Variants in DAPK2 observed in about 807,000 individuals in gnomAD.
DAPK2 encodes death associated protein kinase 2.
In DAPK2, 35 loss-of-function variants were observed where a neutral mutation model predicts 44.1. The ratio of observed to expected loss-of-function variants is 0.79; its 90% CI spans 0.61 to 1.05. The LOEUF (loss-of-function observed/expected upper bound fraction) is 1.05. Ranked by LOEUF, DAPK2 falls within the 50% of genes least tolerant of loss-of-function variation. The probability of loss-of-function intolerance (pLI) is 0.00; values close to 1 mark genes in which losing one functional copy is unlikely to be tolerated. For missense variants in DAPK2, 453 were observed against 483.2 expected (o/e 0.94, Z 0.59); for synonymous variants, 174 against 182.6 (o/e 0.95, Z 0.38).
At chr15:63,948,218 C>T (rs369685122) in intron 3 of DAPK2, among the ~76,000 whole-genome samples, 19 of 123,632 alleles carry the variant, frequency 1.5e-4, no homozygotes, top group South Asian at 8.3e-4. Context: ...TTGCAGTGAG[C>T]GGAGATCACA....
At chr15:63,929,384 T>G in intron 6 of DAPK2, 167 bp downstream of exon 7, 1 of 796,590 alleles carries the variant, frequency 1.3e-6, no homozygotes, top group Non-Finnish European at 2.0e-6. Flanking sequence ...GTCAGATGGA[T>G]GAAATGGACC....
chr15:64,031,015 C>CAT (rs1175395452), intron 1 of DAPK2, among the ~76,000 whole-genome samples: 2 of 151,052 alleles, frequency 1.3e-5, no homozygotes, highest in African/African-American at 2.4e-5. Flanking sequence ...CACACACACA[C>CAT]GGAATTTGCA....
Position 63,983,584 on chromosome 15 carries a change from G to A in DAPK2, c.263C>T (p.Thr88Met), listed in dbSNP as rs1244714096. The stretch of plus-strand genomic sequence containing the variant: ...GCGGTTCTCATAGACGTCGTGCAGC[G>A]TGATGACATTGTGGTGCAGCACCTG... The change falls in exon 2 of 11, where the codon ACG becomes ATG. Residue 88 changes from threonine to methionine, a missense_variant. Coordinates refer to ENST00000261891, the Ensembl canonical transcript of DAPK2. The A allele has an allele frequency of 1.2e-5, 19 of 1,614,066 alleles. 1 individual carries two copies. The highest frequency in any genetic ancestry group is 8.9e-5 in the East Asian group (4 of 44,894).
rs2077260599 is a variant in DAPK2 at position 63,939,807 on chromosome 15, C to A, written c.454-446G>T. Reference sequence around the variant, plus strand: ...CCTCTGTTTATACTTGGCTTACTGACCTTGGTCTTCCTGACCGCCTCTTTC... The same window carrying A: ...CCTCTGTTTATACTTGGCTTACTGAACTTGGTCTTCCTGACCGCCTCTTTC... On this transcript the variant is annotated intron_variant, in intron 3 of 10. Coordinates refer to ENST00000261891, the Ensembl canonical transcript of DAPK2. The surrounding 1 kb of genome is among the most constrained non-coding windows in gnomAD (Gnocchi z 4.3). Among the ~76,000 whole-genome samples the A allele has an allele frequency of 6.6e-6, 1 of 152,216 alleles. No homozygotes were observed. The highest frequency in any genetic ancestry group is 6.5e-5 in the Admixed American group (1 of 15,286).
intron 3 of DAPK2, among the ~76,000 whole-genome samples, chr15:63,950,392 AT>A (rs1282328997): frequency 1.5e-3 from 218 of 144,392 alleles, no homozygotes; most frequent in African/African-American, 2.2e-3. Context: ...ATTAAAAAAC[AT>A]TTTTTTTTTT....
chr15:63,971,359 C>T (rs2078206636), intron 3 of DAPK2, 64 bp downstream of exon 4: 15 of 1,584,538 alleles, frequency 9.5e-6, no homozygotes, highest in Non-Finnish European at 1.3e-5. Context: ...CTGGGAAAGA[C>T]ACCAGGAGGG....
At chr15:64,007,231 C>T (rs1034153543) in intron 1 of DAPK2, among the ~76,000 whole-genome samples, 2 of 152,106 alleles carry the variant, frequency 1.3e-5, no homozygotes, top group Admixed American at 6.5e-5. Flanking sequence ...TCTCGAGTAG[C>T]TGGGATTACA....
At chr15:64,018,632 A>C (rs78221970) in intron 1 of DAPK2, among the ~76,000 whole-genome samples, 17,372 of 152,202 alleles carry the variant, frequency 0.11, 1,331 homozygotes, top group South Asian at 0.35. Flanking sequence ...TCTAGGTTGC[A>C]CCAGGCTGAG....
At chr15:64,002,862 T>C (rs1197995338) in intron 1 of DAPK2, among the ~76,000 whole-genome samples, 1 of 150,064 alleles carries the variant, frequency 6.7e-6, no homozygotes, top group Non-Finnish European at 1.5e-5. Flanking sequence ...GCCTAATTAA[T>C]GAAACCAGCA....
chr15:63,949,345 C>A (rs896603382), intron 3 of DAPK2, among the ~76,000 whole-genome samples: 1 of 152,214 alleles, frequency 6.6e-6, no homozygotes, highest in East Asian at 1.9e-4. Context: ...AATAAAAATT[C>A]ACTTTCAAGG....
rs1272535155 is a variant in DAPK2, at chr15:64,046,312, C to T, written c.-21G>A. Reference sequence around the variant, plus strand: ...GTGCTACTCACGGCGGGAGGCTGAGCTGCCGCGGTCGCGGCCGCGGCAGGC... The same window carrying T: ...GTGCTACTCACGGCGGGAGGCTGAGTTGCCGCGGTCGCGGCCGCGGCAGGC... On this transcript the variant is annotated 5_prime_UTR_variant, in exon 1 of 12. Coordinates refer to the DAPK2 transcript ENST00000457488. This position sits in a 1 kb window ranked among gnomAD's most constrained non-coding sequence, Gnocchi z 5.3. 2 of 980,384 alleles carry T rather than the reference C, an allele frequency of 2.0e-6. No homozygotes were observed. Among genetic ancestry groups the T allele is most frequent in the African/African-American group, 1.8e-5 (1 of 55,434 alleles). 60.7% of individuals were successfully genotyped at this position (980,384 alleles called of 1,614,324 possible).
chr15:63,951,001 G>A (rs1276093931), intron 3 of DAPK2, among the ~76,000 whole-genome samples: 2 of 152,124 alleles, frequency 1.3e-5, no homozygotes, highest in Non-Finnish European at 2.9e-5. Context: ...GGATTTTTTG[G>A]AATATCTTAC....
At chr15:64,039,115 CTG>C (rs1220008806) in intron 1 of DAPK2, among the ~76,000 whole-genome samples, 1 of 152,222 alleles carries the variant, frequency 6.6e-6, no homozygotes, top group East Asian at 1.9e-4. Flanking sequence ...CCAAACTGTG[CTG>C]TGACAACTTT....
At chr15:63,942,101 G>A (rs1428412437) in intron 3 of DAPK2, 1 of 568,026 alleles carries the variant, frequency 1.8e-6, no homozygotes, top group Non-Finnish European at 2.2e-6. Context: ...GGGGGTGGGA[G>A]CCAGACCTGG....
chr15:63,967,429 T>A (rs1567238601), intron 3 of DAPK2, among the ~76,000 whole-genome samples: 1 of 152,214 alleles, frequency 6.6e-6, no homozygotes, highest in African/African-American at 2.4e-5. Context: ...CTCATGCCTA[T>A]GATCCCAGCA....
intron 1 of DAPK2, among the ~76,000 whole-genome samples, chr15:63,989,754 CAA>C (rs1480164347): frequency 6.6e-6 from 1 of 152,100 alleles, no homozygotes; most frequent in Admixed American, 6.5e-5. Flanking sequence ...TACAGTGGTG[CAA>C]TCTCAGCTCA....
At chr15:63,930,351 A>G in intron 5 of DAPK2, 56 bp downstream of exon 6, 1 of 1,530,744 alleles carries the variant, frequency 6.5e-7, no homozygotes, top group Non-Finnish European at 9.1e-7. Context: ...GCAGGATCTG[A>G]GGCCTTCCGC....
At chr15:63,910,394 G>A (rs1169850760) in intron 10 of DAPK2, among the ~76,000 whole-genome samples, 2 of 152,190 alleles carry the variant, frequency 1.3e-5, no homozygotes, top group Non-Finnish European at 2.9e-5. Context: ...TCCCTGAGCA[G>A]GGCGTCCCCT....
rs148312253 is a variant in DAPK2, at chr15:63,928,092, G to A, written c.659+1459C>T. Among the ~76,000 whole-genome samples, 448 of 152,284 alleles carry A rather than the reference G, an allele frequency of 2.9e-3. 6 individuals carry two copies. Among genetic ancestry groups the A allele is most frequent in the African/African-American group, 0.01 (418 of 41,560 alleles). The stretch of plus-strand genomic sequence containing the variant: ...AAGTTTCAAGAGCCAACATCAGACC[G>A]TTCTGGCTCTGATCTGAAACTATAG... On this transcript the variant is annotated intron_variant, in intron 6 of 10. Coordinates refer to ENST00000261891, the Ensembl canonical transcript of DAPK2.
Sources: allele counts gnomAD v4.1 joint callset (sites outside exome capture counted in the v4.1 genomes callset), GRCh38; gene constraint gnomAD v4.1.1; non-coding constraint Gnocchi (gnomAD v3.1); transcripts MANE v1.5; gene names NCBI Gene and HGNC (gene_info 2026-07-23, HGNC 2026-07-21).